RPH3AL: variants seen among roughly 807,000 people sequenced by gnomAD.
RPH3AL encodes the protein rabphilin 3A like (without C2 domains).
RPH3AL carries 38 observed loss-of-function variants against 43.1 expected under a neutral mutation model. The observed-to-expected ratio is 0.88, with a 90% confidence interval of 0.68 to 1.15. The LOEUF is 1.15. RPH3AL is among the 50% of genes most tolerant of loss of function. The pLI, the probability that RPH3AL is intolerant of heterozygous loss-of-function variation, is 0.00. For missense variants in RPH3AL, 462 were observed against 423.2 expected, an observed-to-expected ratio of 1.09 and a Z score of -0.81; for synonymous variants, 189 against 176.3, an observed-to-expected ratio of 1.07 and a Z score of -0.57.
Position 246,993 on chromosome 17 carries a change from C to G in RPH3AL, c.613+118G>C. On this transcript the variant is annotated intron_variant, in intron 7 of 9. Transcript: ENST00000331302. The surrounding 1 kb of genome is among the most constrained non-coding windows in gnomAD (Gnocchi z 4.8). ...GAGGGCACAGGGAGGGACGCATCAC[C>G]AGAATGAGCCTCGTGGATGGAGGGT... The G allele has an allele frequency of 1.8e-6, 2 of 1,105,198 alleles. No homozygotes were observed. The highest frequency in any genetic ancestry group is 2.7e-6 in the Non-Finnish European group (2 of 740,198). The allele number at this position is 1,105,198 out of a possible 1,614,324, so 68.5% of individuals were successfully genotyped here.
At chr17:293,922 G>T (rs1429622759) in intron 5 of RPH3AL, among the ~76,000 whole-genome samples, 2 of 152,086 alleles carry the variant, frequency 1.3e-5, no homozygotes, top group African/African-American at 2.4e-5. Context: ...CCAGCTACTT[G>T]GTGGCTGAGG....
rs976800966 is a variant in RPH3AL at position 347,253 on chromosome 17, G to A, written c.-213+5459C>T. On this transcript the variant is annotated intron_variant, in intron 1 of 9. Transcript: ENST00000331302. ...AGCCTAGGCAACAGAGCGAGACTCC[G>A]TCCCAGATTTTAAAAAAATAAATAA... Among the ~76,000 whole-genome samples, 186 of 79,844 alleles carry A rather than the reference G, an allele frequency of 2.3e-3. 25 individuals are homozygous for A. The highest frequency in any genetic ancestry group is 0.018 in the Admixed American group (173 of 9,484). 52.4% of individuals were successfully genotyped at this position (79,844 alleles called of 152,430 possible).
chr17:295,348 A>T (rs1486581031), intron 5 of RPH3AL, among the ~76,000 whole-genome samples: 1 of 146,100 alleles, frequency 6.8e-6, no homozygotes, highest in African/African-American at 2.6e-5. Flanking sequence ...GGAGCTGCAG[A>T]AATGGACGGG....
chr17:330,366 G>T (rs1055064427), intron 2 of RPH3AL, among the ~76,000 whole-genome samples: 9 of 152,236 alleles, frequency 5.9e-5, no homozygotes, highest in Non-Finnish European at 1.0e-4. Context: ...GACCTCCTCA[G>T]ATGGAGGCTC....
At chr17:270,579 G>C (rs1282769762) in intron 6 of RPH3AL, among the ~76,000 whole-genome samples, 1 of 152,164 alleles carries the variant, frequency 6.6e-6, no homozygotes, top group Admixed American at 6.5e-5. Flanking sequence ...GCCAGGCATG[G>C]CGGCTCATGC....
chr17:214,138 C>T (rs1301800790), intron 9 of RPH3AL, among the ~76,000 whole-genome samples: 1 of 152,196 alleles, frequency 6.6e-6, no homozygotes, highest in African/African-American at 2.4e-5. Flanking sequence ...GGCTTCAGGC[C>T]CTCCTCCTAA....
In RPH3AL at chr17:347,030, G is replaced by A. The variant is rs1275079912; in HGVS notation, c.-213+5682C>T. 3.7e-5 allele frequency among the ~76,000 whole-genome samples: 5 copies of A among 135,036 alleles called. 1 individual carries two copies. Among genetic ancestry groups the A allele is most frequent in the East Asian group, 2.4e-4 (1 of 4,196 alleles). The allele number at this position is 135,036 out of a possible 152,430, so 88.6% of individuals were successfully genotyped here. On this transcript the variant is annotated intron_variant, in intron 1 of 9. Coordinates refer to ENST00000331302, the MANE Select transcript of RPH3AL (RefSeq NM_006987.4). ...TCCCAGCACTTTGGGAGGCCGAGGC[G>A]GGAGGATCACGAGGTCAGGAGATCG...
chr17:311,892 T>C (rs574258331), intron 5 of RPH3AL, among the ~76,000 whole-genome samples: 1 of 152,178 alleles, frequency 6.6e-6, no homozygotes, highest in African/African-American at 2.4e-5. Context: ...AAAATTCCTA[T>C]GTTGAAGCCC....
intron 6 of RPH3AL, among the ~76,000 whole-genome samples, chr17:257,228 T>G (rs1188739820): frequency 1.1e-4 from 4 of 36,398 alleles, no homozygotes; most frequent in East Asian, 1.2e-3. Context: ...CCTAGGAATG[T>G]GACTACCCTA....
Position 215,715 on chromosome 17 carries a change from G to C in RPH3AL, c.815C>G (p.Thr272Arg). 8 of 1,293,530 alleles carry C rather than the reference G, an allele frequency of 6.2e-6. No individual in the cohort carries two copies. The highest frequency in any genetic ancestry group is 7.9e-6 in the Non-Finnish European group (8 of 1,016,560). The allele number at this position is 1,293,530 out of a possible 1,614,324, so 80.1% of individuals were successfully genotyped here. A position where few individuals can be genotyped will look rare whatever the true frequency, so the allele number is the denominator to read the frequency against. Residue 272 changes from threonine (T) to arginine (R), a missense_variant, in exon 9 of 10, where the codon ACG (threonine) becomes AGG (arginine). Thr to Arg is a moderately conservative substitution (Grantham distance 71, BLOSUM62 -1). Coordinates refer to ENST00000331302, the MANE Select transcript of RPH3AL (RefSeq NM_006987.4). This position sits in a 1 kb window ranked among gnomAD's most constrained non-coding sequence, Gnocchi z 4.1. ...TGGCGGGTCAGCAGAGCCTGTCCCC[G>C]TCTCACCACTGGCCAGGCTGCTCTG... is the stretch of plus-strand genomic sequence containing the variant. ...GCQSSLASGE[T>R]GTGSADPPGG...
At chr17:305,597 C>T (rs1291709925) in intron 5 of RPH3AL, among the ~76,000 whole-genome samples, 1 of 151,350 alleles carries the variant, frequency 6.6e-6, no homozygotes, top group Non-Finnish European at 1.5e-5. Flanking sequence ...AAGAGCAGGA[C>T]ACCCGAGTGG....
chr17:270,599 C>T (rs1024198223), intron 6 of RPH3AL, among the ~76,000 whole-genome samples: 2 of 152,070 alleles, frequency 1.3e-5, no homozygotes, highest in Admixed American at 6.5e-5. Context: ...CCTGTAATCC[C>T]AGCACTTAGG....
rs376431865 is a variant in RPH3AL, at chr17:274,237, G to A, written c.438+7531C>T. On this transcript the variant is annotated intron_variant, in intron 6 of 9. Transcript: ENST00000331302. The surrounding 1 kb of genome is among the most constrained non-coding windows in gnomAD (Gnocchi z 4.7). ...AAAAGGCACCGCGAAACCCCAGCCCGGGGCCTCTGACAGCTCAGCACCAGG... is the reference window on the plus strand; with the variant it reads ...AAAAGGCACCGCGAAACCCCAGCCCAGGGCCTCTGACAGCTCAGCACCAGG... Among the ~76,000 whole-genome samples the A allele has an allele frequency of 1.2e-4, 19 of 152,342 alleles. No individual in the cohort carries two copies. Among genetic ancestry groups the A allele is most frequent in the African/African-American group, 3.6e-4 (15 of 41,582 alleles).
intron 7 of RPH3AL, among the ~76,000 whole-genome samples, chr17:221,309 A>T (rs1361578892): frequency 6.0e-4 from 71 of 118,526 alleles, no homozygotes; most frequent in African/African-American, 2.2e-3. Context: ...ACCCAAGCAC[A>T]TCAGCTCTGA....
rs145530258 is a variant in RPH3AL, at chr17:307,063, C to T, written c.351+12357G>A. 2.4e-4 allele frequency among the ~76,000 whole-genome samples: 36 copies of T among 152,098 alleles called. No homozygotes were observed. The South Asian group carries it at 4.8e-3, about 20-fold the overall frequency. On this transcript the variant is annotated intron_variant, in intron 5 of 9. Transcript: ENST00000331302. ...GGGCCTCCCCCACCTCCCCAGGTGC[C>T]GCAGCTCACCCATGGCAGGTCCTCC...
chr17:219,964 G>A (rs1365445886), intron 7 of RPH3AL, among the ~76,000 whole-genome samples: 1 of 152,178 alleles, frequency 6.6e-6, no homozygotes, highest in South Asian at 2.1e-4. Context: ...TCTGGGCTCA[G>A]GCTGACCAGC....
intron 1 of RPH3AL, among the ~76,000 whole-genome samples, chr17:352,159 G>A (rs931027579): frequency 2.0e-5 from 3 of 152,194 alleles, no homozygotes; most frequent in Non-Finnish European, 2.9e-5. Flanking sequence ...CACCAAATGT[G>A]AGTATCCCAG....
rs1199891388 is a variant in RPH3AL at position 245,797 on chromosome 17, GC to G, written c.613+1313del. On this transcript the variant is annotated intron_variant, in intron 7 of 9. Transcript: ENST00000331302. This position sits in a 1 kb window ranked among gnomAD's most constrained non-coding sequence, Gnocchi z 5.9. ...CAGTGCCCCTCAGGCCAGTGTCCCA[GC>G]CAGGCCTGCACCCCCTCCTCCTGAG... Among the ~76,000 whole-genome samples the G allele has an allele frequency of 6.6e-6, 1 of 152,080 alleles. No homozygotes were observed. The highest frequency in any genetic ancestry group is 2.4e-5 in the African/African-American group (1 of 41,402).
rs28522996 is a variant in RPH3AL, at chr17:234,228, T to C, written c.613+12883A>G. 4.3e-3 allele frequency among the ~76,000 whole-genome samples: 101 copies of C among 23,436 alleles called. 7 individuals carry two copies. The highest frequency in any genetic ancestry group is 8.9e-3 in the African/African-American group (33 of 3,724). 15.4% of individuals were successfully genotyped at this position (23,436 alleles called of 152,430 possible). On this transcript the variant is annotated intron_variant, in intron 7 of 9. Coordinates refer to ENST00000331302, the MANE Select transcript of RPH3AL (RefSeq NM_006987.4). ...GGCTACTTACCCTGACCAACTTCCCTGAGCAGGGAGCGGCTACTTACCCTG... is the reference window on the plus strand; with the variant it reads ...GGCTACTTACCCTGACCAACTTCCCCGAGCAGGGAGCGGCTACTTACCCTG...
Sources: gnomAD v4.1 joint callset for allele counts (sites outside exome capture counted in the v4.1 genomes callset) on GRCh38, gnomAD v4.1.1 for gene constraint, Gnocchi (gnomAD v3.1) non-coding constraint, MANE v1.5 for transcripts, NCBI Gene and HGNC (gene_info 2026-07-23, HGNC 2026-07-21) for gene names.